Variants in TEX9 observed in about 807,000 individuals in gnomAD.
TEX9 encodes testis expressed 9.
In TEX9, 74 loss-of-function variants were observed where a neutral mutation model predicts 59.6. The observed-to-expected ratio is 1.24, with a 90% confidence interval of 1.03 to 1.51. The LOEUF is 1.51. TEX9 is among the 40% of genes most tolerant of loss of function. The pLI, the probability that TEX9 is intolerant of heterozygous loss-of-function variation, is 0.00. For missense variants in TEX9, 522 were observed against 447.8 expected (o/e 1.17, Z -1.49); for synonymous variants, 186 against 152.2 (o/e 1.22, Z -1.64).
upstream of TEX9, among the ~76,000 whole-genome samples, chr15:56,362,103 C>T (rs764812205): frequency 9.9e-5 from 15 of 152,184 alleles, no homozygotes; most frequent in East Asian, 1.9e-4. Context: ...ATGTTCCATG[C>T]GACCTTGAGA....
chr15:56,443,767 CT>C, intron 12 of TEX9: 2 of 1,613,012 alleles, frequency 1.2e-6, no homozygotes, highest in Non-Finnish European at 1.7e-6. Flanking sequence ...CCTCACGTTT[CT>C]TTTTTCTCCA....
chr15:56,452,921 C>A, the TEX9 span, among the ~76,000 whole-genome samples: 6 of 152,108 alleles, frequency 3.9e-5, no homozygotes, highest in Admixed American at 1.3e-4. Flanking sequence ...AGCCAAAGAC[C>A]AAACTTGCAA....
intron 9 of TEX9, among the ~76,000 whole-genome samples, chr15:56,399,739 A>G (rs2048676618): frequency 6.6e-6 from 1 of 152,164 alleles, no homozygotes; most frequent in Non-Finnish European, 1.5e-5. Context: ...GTAGGTGGGT[A>G]CCCCTCTGGG....
chr15:56,341,487 G>C (rs771575632), intron 1 of TEX9, among the ~76,000 whole-genome samples: 1 of 152,144 alleles, frequency 6.6e-6, no homozygotes, highest in Non-Finnish European at 1.5e-5. Context: ...ACCACCCTTA[G>C]GGTCTGCTTC....
rs181478275 is a variant in TEX9, at chr15:56,404,476, A to C, written c.829-7826A>C. On this transcript the variant is annotated intron_variant, in intron 9 of 12. Transcript: ENST00000352903. ...TTAGAATGGCAATCATTAAAAAGTT[A>C]GCAAACAACAGATGGTGGAGAGGAT... Among the ~76,000 whole-genome samples, 50 of 152,344 alleles carry C rather than the reference A, an allele frequency of 3.3e-4. No homozygotes were observed. In the East Asian group the frequency reaches 6.4e-3, roughly 19 times the overall value.
intron 1 of TEX9, among the ~76,000 whole-genome samples, chr15:56,310,890 C>T (rs574388530): frequency 6.6e-6 from 1 of 152,270 alleles, no homozygotes; most frequent in South Asian, 2.1e-4. Context: ...CATGCACAGG[C>T]TTCCACATTT....
intron 1 of TEX9, among the ~76,000 whole-genome samples, chr15:56,326,402 T>C (rs2141733165): frequency 6.6e-6 from 1 of 152,310 alleles, no homozygotes; most frequent in South Asian, 2.1e-4. Context: ...AAACTCAATT[T>C]TTTCAATTAT....
rs532977383 is a variant in TEX9, at chr15:56,262,666, G to A, written c.-107+18388G>A. On this transcript the variant is annotated intron_variant, in intron 1 of 5. Transcript: ENST00000560827. ...ATATTCTATATAATTTCTAATTTTCGTTATCTAATTATCCTCTTGCATCTA... is the reference window on the plus strand; with the variant it reads ...ATATTCTATATAATTTCTAATTTTCATTATCTAATTATCCTCTTGCATCTA... 4.6e-5 allele frequency among the ~76,000 whole-genome samples: 7 copies of A among 152,174 alleles called. No homozygotes were observed. The South Asian group carries it at 8.3e-4, about 18-fold the overall frequency.
At chr15:56,273,909 G>T (rs1035685985) in intron 1 of TEX9, among the ~76,000 whole-genome samples, 8 of 152,060 alleles carry the variant, frequency 5.3e-5, no homozygotes, top group Admixed American at 3.3e-4. Context: ...TATCCAGGTG[G>T]TTTTATTTTT....
chr15:56,436,580 A>T (rs367717400), intron 12 of TEX9, among the ~76,000 whole-genome samples: 1 of 152,188 alleles, frequency 6.6e-6, no homozygotes, highest in African/African-American at 2.4e-5. Flanking sequence ...TTCAAAAGCT[A>T]GCAGAAGGCA....
downstream of TEX9, chr15:56,447,081 T>C (rs1320301138): frequency 1.3e-5 from 8 of 610,638 alleles, no homozygotes; most frequent in Non-Finnish European, 1.7e-5. Context: ...ATAGGAGAAA[T>C]AATTCATTAT....
intron 1 of TEX9, among the ~76,000 whole-genome samples, chr15:56,265,533 A>G (rs1254056656): frequency 6.6e-6 from 1 of 152,160 alleles, no homozygotes; most frequent in Admixed American, 6.5e-5. Flanking sequence ...CTTTATCTGC[A>G]TCCCAATAAT....
chr15:56,353,223 G>A (rs556209480), intron 1 of TEX9, among the ~76,000 whole-genome samples: 8 of 152,150 alleles, frequency 5.3e-5, no homozygotes, highest in East Asian at 1.9e-4. Context: ...TTAAATTAAT[G>A]TACATGCTAT....
At chr15:56,388,666 AG>A (rs1370121464) in intron 5 of TEX9, 146 bp downstream of exon 5, 18 of 593,504 alleles carry the variant, frequency 3.0e-5, no homozygotes, top group Non-Finnish European at 5.3e-5. Flanking sequence ...GCATTTGTGA[AG>A]TGTCCCTCAT....
chr15:56,367,053 G>T (rs1360065133), intron 2 of TEX9, among the ~76,000 whole-genome samples: 1 of 152,140 alleles, frequency 6.6e-6, no homozygotes, highest in Non-Finnish European at 1.5e-5. Flanking sequence ...TATTTGTTCA[G>T]TTATTTGAGA....
chr15:56,339,383 C>CAAAAAAA (rs71456382), intron 1 of TEX9, among the ~76,000 whole-genome samples: 1,242 of 30,622 alleles, frequency 0.041, 202 homozygotes, highest in Non-Finnish European at 0.042. Flanking sequence ...ACTCCTTCTC[C>CAAAAAAA]AAAAAAAAAA....
chr15:56,317,727 C>G (rs891983797), intron 1 of TEX9, among the ~76,000 whole-genome samples: 24 of 152,126 alleles, frequency 1.6e-4, no homozygotes, highest in African/African-American at 5.8e-4. Flanking sequence ...TCATTAATCT[C>G]AAGGTATTTC....
intron 12 of TEX9, chr15:56,431,235 C>A: frequency 1.1e-6 from 1 of 902,378 alleles, no homozygotes; most frequent in East Asian, 2.5e-5. Context: ...AGGTTCAGTG[C>A]CTGGACAGGA....
chr15:56,299,781 C>A (rs1244791599), intron 1 of TEX9, among the ~76,000 whole-genome samples: 1 of 152,142 alleles, frequency 6.6e-6, no homozygotes. Flanking sequence ...TAGACACGCC[C>A]TGAGCCAGAA....
Sources: gnomAD v4.1 joint callset for allele counts (sites outside exome capture counted in the v4.1 genomes callset) on GRCh38, gnomAD v4.1.1 for gene constraint, MANE v1.5 for transcripts, NCBI Gene and HGNC (gene_info 2026-07-23, HGNC 2026-07-21) for gene names.